Variants in ZNF407 observed in about 807,000 individuals in gnomAD.
The protein encoded by ZNF407 is zinc finger protein 407.
A neutral mutation model predicts 131.2 loss-of-function variants in ZNF407; 17 were observed. The ratio of observed to expected loss-of-function variants is 0.13; its 90% CI spans 0.09 to 0.19. ZNF407 has a LOEUF of 0.19. ZNF407 is among the 10% of genes least tolerant of loss of function. The pLI is 1.00. For missense variants in ZNF407, 2,681 were observed against 2,830.6 expected (o/e 0.95, Z 1.20); for synonymous variants, 1,156 against 1,062.0 (o/e 1.09, Z -1.72).
At chr18:74,967,854 A>G (rs1247377056) in intron 8 of ZNF407, among the ~76,000 whole-genome samples, 1 of 152,250 alleles carries the variant, frequency 6.6e-6, no homozygotes, top group Non-Finnish European at 1.5e-5. Flanking sequence ...ACCTAAAATT[A>G]TAATTTGGTA....
At chr18:74,939,043 G>A (rs945717117) in intron 8 of ZNF407, among the ~76,000 whole-genome samples, 8 of 152,152 alleles carry the variant, frequency 5.3e-5, no homozygotes, top group East Asian at 1.9e-4. Context: ...GGTGTGAGGC[G>A]ACCTTTTTGA....
chr18:74,830,827 A>G (rs1970472198), intron 4 of ZNF407, among the ~76,000 whole-genome samples: 1 of 152,226 alleles, frequency 6.6e-6, no homozygotes. Context: ...TGTTAAATGT[A>G]GTCGTCCTAC....
At chr18:74,744,374 GC>G (rs1968619103) in intron 3 of ZNF407, among the ~76,000 whole-genome samples, 2 of 152,112 alleles carry the variant, frequency 1.3e-5, no homozygotes, top group South Asian at 4.1e-4. Flanking sequence ...CTTTGTGCTA[GC>G]CTGGGTTTGC....
chr18:74,914,988 TTAAAG>T (rs1245611703), intron 7 of ZNF407, among the ~76,000 whole-genome samples: 1 of 152,230 alleles, frequency 6.6e-6, no homozygotes, highest in African/African-American at 2.4e-5. Flanking sequence ...ATTCTTCTTG[TTAAAG>T]TATACATGTA....
chr18:74,866,123 C>T (rs566218929), intron 4 of ZNF407, among the ~76,000 whole-genome samples: 11 of 152,154 alleles, frequency 7.2e-5, no homozygotes, highest in Non-Finnish European at 1.3e-4. Context: ...GTCTGCATGT[C>T]AGAATATTAT....
intron 3 of ZNF407, among the ~76,000 whole-genome samples, chr18:74,743,247 A>G (rs1313008766): frequency 2.0e-5 from 3 of 152,166 alleles, no homozygotes; most frequent in East Asian, 3.8e-4. Context: ...AATGACCACA[A>G]GATACTCAAA....
intron 8 of ZNF407, among the ~76,000 whole-genome samples, chr18:75,042,741 T>A (rs569740504): frequency 1.1e-4 from 16 of 152,326 alleles, no homozygotes; most frequent in African/African-American, 3.8e-4. Flanking sequence ...TCAGTAAATC[T>A]CTTCTCCTAG....
intron 3 of ZNF407, among the ~76,000 whole-genome samples, chr18:74,687,415 A>G (rs1191731025): frequency 1.3e-5 from 2 of 152,156 alleles, no homozygotes; most frequent in East Asian, 3.8e-4. Flanking sequence ...TAAGGAGGAA[A>G]GGTGTAGCAT....
intron 4 of ZNF407, among the ~76,000 whole-genome samples, chr18:74,826,836 G>C (rs1970416631): frequency 6.6e-6 from 1 of 152,200 alleles, no homozygotes; most frequent in South Asian, 2.1e-4. Context: ...CCCCGTCTCT[G>C]TGCTGTGGAA....
chr18:74,710,323 G>T (rs373307613), intron 3 of ZNF407, among the ~76,000 whole-genome samples: 2 of 152,214 alleles, frequency 1.3e-5, no homozygotes, highest in East Asian at 1.9e-4. Context: ...TCTCATGTAG[G>T]GGTATTGACT....
intron 8 of ZNF407, among the ~76,000 whole-genome samples, chr18:74,976,814 C>T (rs866394866): frequency 1.3e-5 from 2 of 152,192 alleles, no homozygotes; most frequent in Admixed American, 6.5e-5. Flanking sequence ...GTCACATGTT[C>T]GTGTCATGTG....
chr18:74,989,611 G>T (rs570143167), intron 8 of ZNF407, among the ~76,000 whole-genome samples: 1 of 152,256 alleles, frequency 6.6e-6, no homozygotes, highest in East Asian at 1.9e-4. Context: ...GGAGGCTGAG[G>T]CAGGCAGATC....
intron 4 of ZNF407, among the ~76,000 whole-genome samples, chr18:74,824,061 C>G (rs1286037459): frequency 6.6e-6 from 1 of 152,216 alleles, no homozygotes; most frequent in Non-Finnish European, 1.5e-5. Context: ...GAGAAACTCA[C>G]TTAAAACCAC....
chr18:74,885,347 A>G (rs1971293903), intron 6 of ZNF407, among the ~76,000 whole-genome samples: 1 of 152,192 alleles, frequency 6.6e-6, no homozygotes, highest in Non-Finnish European at 1.5e-5. Context: ...CTGCTGAGAG[A>G]AATTGAAGAA....
At chr18:74,746,799 AC>A (rs921281970) in intron 3 of ZNF407, among the ~76,000 whole-genome samples, 4 of 152,058 alleles carry the variant, frequency 2.6e-5, no homozygotes, top group African/African-American at 9.7e-5. Context: ...AAAAAAAAAA[AC>A]GATAAGTAAA....
intron 3 of ZNF407, among the ~76,000 whole-genome samples, chr18:74,705,185 A>T: frequency 6.6e-6 from 1 of 151,610 alleles, no homozygotes; most frequent in East Asian, 1.9e-4. Flanking sequence ...CAACAGGCTG[A>T]TAAGGTACCC....
intron 8 of ZNF407, among the ~76,000 whole-genome samples, chr18:74,943,057 A>G (rs1568278104): frequency 6.6e-6 from 1 of 151,998 alleles, no homozygotes; most frequent in Non-Finnish European, 1.5e-5. Context: ...CTGGGGCTAC[A>G]GGCACATGCC....
chr18:74,759,948 G>GTCTC (rs10662564), intron 3 of ZNF407, among the ~76,000 whole-genome samples: 2,125 of 142,938 alleles, frequency 0.015, 60 homozygotes, highest in African/African-American at 0.05. Flanking sequence ...TACTTTACAT[G>GTCTC]TCTCTCTCTC....
chr18:75,064,055 G>A lies in ZNF407; in HGVS notation c.6334G>A (p.Ala2112Thr), dbSNP rs746460822. Residue 2112 changes from alanine (A) to threonine (T), a missense_variant, in exon 9 of 9, where the codon GCC (alanine) becomes ACC (threonine). Physicochemically the swap from Ala to Thr is moderately conservative, Grantham distance 58 (BLOSUM62 0). Around this residue, in one of 6 missense-constraint regions of ZNF407, gnomAD observed 620 missense variants for 583.1 expected, o/e 1.06. Coordinates refer to ENST00000299687, the MANE Select transcript of ZNF407 (RefSeq NM_017757.3). ...CCAGGTGGTGGTGAGCGAAGAGGGTGCCGTCCACATGGTCGCCGGGGAGGG... is the reference window on the plus strand; with the variant it reads ...CCAGGTGGTGGTGAGCGAAGAGGGTACCGTCCACATGGTCGCCGGGGAGGG... ...VTQVVVSEEG[A>T]VHMVAGEGAQ... The A allele has an allele frequency of 5.6e-6, 9 of 1,595,238 alleles. No individual in the cohort carries two copies. In the Admixed American group the frequency reaches 1.6e-4, roughly 28 times the overall value.
Sources: allele counts gnomAD v4.1 joint callset (sites outside exome capture counted in the v4.1 genomes callset), GRCh38; gene constraint gnomAD v4.1.1; regional missense constraint gnomAD v4.1.1; transcripts MANE v1.5; gene names NCBI Gene and HGNC (gene_info 2026-07-23, HGNC 2026-07-21).